The following FHAD1 variants were observed in gnomAD, a reference collection of about 807,000 sequenced individuals.
The protein encoded by FHAD1 is forkhead-associated domain-containing protein 1.
In FHAD1, 146 loss-of-function variants were observed where a neutral mutation model predicts 191.3. That is an observed-to-expected ratio of 0.76 (90% confidence interval 0.67 to 0.88). The LOEUF (loss-of-function observed/expected upper bound fraction) is 0.88. FHAD1 is among the 40% of genes least tolerant of loss of function. The probability of loss-of-function intolerance (pLI) is 0.00; values close to 1 mark genes in which losing one functional copy is unlikely to be tolerated. For missense variants in FHAD1, 1,635 were observed against 1,785.8 expected (o/e 0.92, Z 1.52); for synonymous variants, 616 against 672.3 (o/e 0.92, Z 1.29).
chr1:15,390,300 G>A lies in FHAD1; in HGVS notation c.4270-910G>A, dbSNP rs181085814. Among the ~76,000 whole-genome samples the A allele has an allele frequency of 8.8e-5, 12 of 135,676 alleles. No individual in the cohort carries two copies. In the East Asian group the frequency reaches 2.2e-3, roughly 25 times the overall value. The allele number at this position is 135,676 out of a possible 152,430, so 89.0% of individuals were successfully genotyped here. On this transcript the variant is annotated intron_variant, in intron 32 of 33. Coordinates refer to ENST00000688493, the MANE Select transcript of FHAD1 (RefSeq NM_001391957.1). ...GCAAAGGTTGCAGTGAGCCGAGATC[G>A]CACCACTGCACTCCAGCCTGGGTGA...
intron 4 of FHAD1, among the ~76,000 whole-genome samples, chr1:15,292,725 C>A (rs951392459): frequency 8.5e-5 from 13 of 152,064 alleles, no homozygotes. Context: ...AGAAGGTGGC[C>A]GTCTGCAAGC....
chr1:15,369,190 TG>T (rs1487695631), intron 25 of FHAD1, among the ~76,000 whole-genome samples, 179 bp from the exon 26 acceptor site: 3 of 152,188 alleles, frequency 2.0e-5, no homozygotes, highest in African/African-American at 7.2e-5. Context: ...TTCCCTGCCC[TG>T]GCCACTCTCC....
At chr1:15,287,968 C>T (rs1663095453) in intron 3 of FHAD1, among the ~76,000 whole-genome samples, 1 of 152,136 alleles carries the variant, frequency 6.6e-6, no homozygotes, top group Non-Finnish European at 1.5e-5. Context: ...GAACCATGAG[C>T]CCTGGGAAAA....
rs367784074 is a variant in FHAD1 at position 15,345,288 on chromosome 1, G to A, written c.2238+98G>A. 3.8e-5 allele frequency: 52 copies of A among 1,353,832 alleles called. No homozygotes were observed. The African/African-American group carries it at 5.5e-4, about 14-fold the overall frequency. The allele number at this position is 1,353,832 out of a possible 1,614,324, so 83.9% of individuals were successfully genotyped here. ...CTGGGCCCGCCGGCTCTGAGCTCCA[G>A]GGCTGTGCTGTCCACAGTCCCCTAG... On this transcript the variant is annotated intron_variant, in intron 17 of 33. Coordinates refer to ENST00000688493, the MANE Select transcript of FHAD1 (RefSeq NM_001391957.1).
At chr1:15,328,191 C>A in intron 12 of FHAD1, 86 bp from the exon 13 acceptor site, 1 of 1,113,436 alleles carries the variant, frequency 9.0e-7, no homozygotes, top group East Asian at 2.8e-5. Flanking sequence ...TGCATCTCTC[C>A]CCTCTCCCAT....
chr1:15,384,606 A>C (rs1305937208), intron 31 of FHAD1: 1 of 152,198 alleles, frequency 6.6e-6, no homozygotes, highest in Non-Finnish European at 1.5e-5. Flanking sequence ...AGGCACACAC[A>C]ATGCGGGCTG....
chr1:15,331,039 T>C (rs879067852), intron 14 of FHAD1, among the ~76,000 whole-genome samples: 2 of 151,856 alleles, frequency 1.3e-5, no homozygotes, highest in Admixed American at 1.3e-4. Context: ...GCCTCAGTGG[T>C]AGGACTGGAT....
intron 3 of FHAD1, among the ~76,000 whole-genome samples, chr1:15,281,659 G>A (rs1660627416): frequency 6.6e-6 from 1 of 150,912 alleles, no homozygotes; most frequent in African/African-American, 2.5e-5. Context: ...TCCTCGGGAG[G>A]CTGAGTCATA....
Position 15,286,943 on chromosome 1 carries a change from G to A in FHAD1, c.301-2456G>A, listed in dbSNP as rs1662657012. On this transcript the variant is annotated intron_variant, in intron 3 of 33. Coordinates refer to ENST00000688493, the MANE Select transcript of FHAD1 (RefSeq NM_001391957.1). ...CACACCCAATACTCTCTACCTTTGTGTTCCAGAAGGCTGGAGTAAAACGCA... is the reference window on the plus strand; with the variant it reads ...CACACCCAATACTCTCTACCTTTGTATTCCAGAAGGCTGGAGTAAAACGCA... 3 of 152,232 alleles carry A rather than the reference G, an allele frequency of 2.0e-5. No individual in the cohort carries two copies. The South Asian group carries it at 6.2e-4, about 32-fold the overall frequency. 9.4% of individuals were successfully genotyped at this position (152,232 alleles called of 1,614,324 possible). A position where few individuals can be genotyped will look rare whatever the true frequency, so the allele number is the denominator to read the frequency against.
intron 1 of FHAD1, among the ~76,000 whole-genome samples, chr1:15,250,433 G>A (rs1231173564): frequency 6.6e-6 from 1 of 152,196 alleles, no homozygotes; most frequent in Non-Finnish European, 1.5e-5. Flanking sequence ...AAATGCCGAT[G>A]GTAGAATCTA....
intron 2 of FHAD1, among the ~76,000 whole-genome samples, chr1:15,267,935 A>C (rs1484667850): frequency 1.1e-5 from 1 of 91,456 alleles, no homozygotes; most frequent in African/African-American, 4.2e-5. Context: ...ATAGCATATA[A>C]ATAGGAATAT....
chr1:15,324,956 T>C (rs760945852), intron 11 of FHAD1: 32 of 230,650 alleles, frequency 1.4e-4, no homozygotes, highest in Non-Finnish European at 2.1e-4. Context: ...ACAGTGTCTA[T>C]AAGGAAATGC....
chr1:15,395,298 A>C (rs1705557738), intron 33 of FHAD1, among the ~76,000 whole-genome samples: 1 of 128,198 alleles, frequency 7.8e-6, no homozygotes, highest in East Asian at 2.2e-4. Flanking sequence ...ACAGAGCAAG[A>C]CTCCATCTCA....
downstream of FHAD1, among the ~76,000 whole-genome samples, chr1:15,398,477 T>G (rs1401409506): frequency 6.6e-6 from 1 of 152,004 alleles, no homozygotes; most frequent in African/African-American, 2.4e-5. Flanking sequence ...CCCTGAGAAC[T>G]TACATGGCCT....
chr1:15,294,469 C>G (rs916932263), intron 4 of FHAD1, among the ~76,000 whole-genome samples: 1 of 152,174 alleles, frequency 6.6e-6, no homozygotes, highest in South Asian at 2.1e-4. Context: ...TCTTGGCTCA[C>G]TGCAACCTCT....
At chr1:15,246,208 G>C (rs913177642), upstream of FHAD1, among the ~76,000 whole-genome samples, 1 of 151,962 alleles carries the variant, frequency 6.6e-6, no homozygotes. Context: ...GAACTCACTC[G>C]CTATCATGAG....
At chr1:15,305,939 T>G (rs1207531462) in intron 6 of FHAD1, 1 of 214,520 alleles carries the variant, frequency 4.7e-6, no homozygotes, top group East Asian at 1.6e-4. Flanking sequence ...AAAAGATACC[T>G]GAAAATGTGG....
chr1:15,337,372 A>G (rs1408525319), intron 14 of FHAD1, among the ~76,000 whole-genome samples: 2 of 152,032 alleles, frequency 1.3e-5, no homozygotes, highest in Non-Finnish European at 2.9e-5. Flanking sequence ...CTACCCCTTT[A>G]AAAGGCTTTC....
At chr1:15,337,654 T>G (rs1231064047) in intron 14 of FHAD1, among the ~76,000 whole-genome samples, 1 of 152,092 alleles carries the variant, frequency 6.6e-6, no homozygotes, top group Admixed American at 6.5e-5. Flanking sequence ...CAGCAAAGAC[T>G]TGACAATATC....
Sources: gnomAD v4.1 joint callset for allele counts (sites outside exome capture counted in the v4.1 genomes callset) on GRCh38, gnomAD v4.1.1 for gene constraint, MANE v1.5 for transcripts, NCBI Gene and HGNC (gene_info 2026-07-23, HGNC 2026-07-21) for gene names.